GLRA1: variants seen among roughly 807,000 people sequenced by gnomAD.
GLRA1 encodes glycine receptor subunit alpha-1.
GLRA1 carries 37 observed loss-of-function variants against 48.3 expected under a neutral mutation model. The observed-to-expected ratio is 0.77, with a 90% CI of 0.59 to 1.01. The LOEUF is 1.01. Among genes scored for constraint, GLRA1 ranks in the 50% least tolerant of loss-of-function variants. The pLI, the probability that GLRA1 is intolerant of heterozygous loss-of-function variation, is 0.00. For synonymous variants in GLRA1, 196 were observed against 210.7 expected (o/e 0.93, Z 0.60); for missense variants, 427 against 571.0 (o/e 0.75, Z 2.57).
chr5:151,849,226 C>A (rs1007055174), intron 7 of GLRA1, among the ~76,000 whole-genome samples: 2 of 79,418 alleles, frequency 2.5e-5, no homozygotes, highest in East Asian at 6.3e-4. Flanking sequence ...TTCTTCCTTC[C>A]TTCCTTCCTT....
intron 7 of GLRA1, among the ~76,000 whole-genome samples, chr5:151,830,457 G>C (rs1763395303): frequency 6.6e-6 from 1 of 152,196 alleles, no homozygotes; most frequent in Non-Finnish European, 1.5e-5. Flanking sequence ...ACATATTCTT[G>C]GGAAACTGTG....
chr5:151,888,144 AG>A (rs1418572116), intron 2 of GLRA1, among the ~76,000 whole-genome samples: 1 of 152,228 alleles, frequency 6.6e-6, no homozygotes, highest in Non-Finnish European at 1.5e-5. Flanking sequence ...CTTGAACCAA[AG>A]TTTTCTGATT....
At chr5:151,915,509 A>G (rs1754717270) in intron 1 of GLRA1, among the ~76,000 whole-genome samples, 1 of 152,218 alleles carries the variant, frequency 6.6e-6, no homozygotes, top group South Asian at 2.1e-4. Flanking sequence ...GGGGATGGCT[A>G]GAAAACAATG....
At chr5:151,865,309 G>A (rs1324487342) in intron 3 of GLRA1, among the ~76,000 whole-genome samples, 1 of 152,202 alleles carries the variant, frequency 6.6e-6, no homozygotes, top group Non-Finnish European at 1.5e-5. Flanking sequence ...TCTGGACTTG[G>A]GGGTGGTGAT....
intron 7 of GLRA1, among the ~76,000 whole-genome samples, chr5:151,833,118 C>T (rs927976658): frequency 6.6e-6 from 1 of 152,150 alleles, no homozygotes; most frequent in Non-Finnish European, 1.5e-5. Context: ...TAGTCTCCAC[C>T]AGGCCTGTCT....
At chr5:151,824,862 C>T (rs1027748094) in intron 8 of GLRA1, among the ~76,000 whole-genome samples, 5 of 148,724 alleles carry the variant, frequency 3.4e-5, no homozygotes, top group African/African-American at 1.2e-4. Context: ...AACATATGAA[C>T]ATAGTCCCTG....
chr5:151,824,928 C>T (rs896823264), intron 8 of GLRA1, among the ~76,000 whole-genome samples: 4 of 152,170 alleles, frequency 2.6e-5, no homozygotes, highest in African/African-American at 9.7e-5. Flanking sequence ...ACTTGTATAT[C>T]TTCACCAGCT....
At chr5:151,824,992 A>T (rs952664528) in intron 8 of GLRA1, among the ~76,000 whole-genome samples, 3 of 152,186 alleles carry the variant, frequency 2.0e-5, no homozygotes, top group Admixed American at 6.5e-5. Context: ...TATTTTTAGC[A>T]CCAGAAGGGT....
chr5:151,841,410 A>ATAATC (rs78038076), intron 7 of GLRA1, among the ~76,000 whole-genome samples: 67,085 of 151,072 alleles, frequency 0.44, 15,257 homozygotes, highest in African/African-American at 0.55. Context: ...TCCTAAATCA[A>ATAATC]TAACTTTGCA....
chr5:151,861,297 G>A lies in GLRA1; in HGVS notation c.253-1289C>T, dbSNP rs543941188. Among the ~76,000 whole-genome samples, 1,228 of 152,216 alleles carry A rather than the reference G, an allele frequency of 8.1e-3. 48 individuals carry two copies. The highest frequency in any genetic ancestry group is 0.063 in the Admixed American group (967 of 15,282). ...TCTAGTTCTAGATCCTTGAGGAATC[G>A]CCACACTGTCTTCCACAATGGTTGA... On this transcript the variant is annotated intron_variant, in intron 3 of 8. Coordinates refer to ENST00000274576, the MANE Select transcript of GLRA1 (RefSeq NM_000171.4).
chr5:151,856,668 G>C (rs901172090), intron 4 of GLRA1, among the ~76,000 whole-genome samples: 1 of 152,032 alleles, frequency 6.6e-6, no homozygotes, highest in Non-Finnish European at 1.5e-5. Flanking sequence ...ATAGGCATCT[G>C]CCACCATGCC....
At chr5:151,828,862 T>C (rs1337280129) in intron 8 of GLRA1, 59 bp downstream of exon 8, 11 of 1,528,292 alleles carry the variant, frequency 7.2e-6, no homozygotes, top group African/African-American at 2.7e-5. Flanking sequence ...ACAATACTGC[T>C]TAGAACTCTT....
At chr5:151,919,299 A>AG (rs1754816039) in intron 1 of GLRA1, among the ~76,000 whole-genome samples, 2 of 152,222 alleles carry the variant, frequency 1.3e-5, no homozygotes, top group Admixed American at 1.3e-4. Flanking sequence ...AGGCTTTATG[A>AG]GGGAAAAAAG....
chr5:151,924,581 G>A lies in GLRA1; in HGVS notation c.-32C>T. 2 of 1,361,328 alleles carry A rather than the reference G, an allele frequency of 1.5e-6. No individual in the cohort carries two copies. Among genetic ancestry groups the A allele is most frequent in the South Asian group, 2.3e-5 (2 of 86,080 alleles). The allele number at this position is 1,361,328 out of a possible 1,614,324, so 84.3% of individuals were successfully genotyped here. On this transcript the variant is annotated 5_prime_UTR_variant, in exon 1 of 9. Coordinates refer to ENST00000274576, the MANE Select transcript of GLRA1 (RefSeq NM_000171.4). ...GGTCCTTGTGCTTTGTAGTCCACGA[G>A]TTATGGGGGCAAAAATGTTTCAAAT...
intron 1 of GLRA1, among the ~76,000 whole-genome samples, chr5:151,923,365 G>A (rs1754925733): frequency 6.6e-6 from 1 of 152,186 alleles, no homozygotes; most frequent in Non-Finnish European, 1.5e-5. Flanking sequence ...TGTTGGGAGA[G>A]GGTAATATTT....
At chr5:151,883,198 G>C (rs1482114596) in intron 3 of GLRA1, among the ~76,000 whole-genome samples, 1 of 152,156 alleles carries the variant, frequency 6.6e-6, no homozygotes, top group African/African-American at 2.4e-5. Flanking sequence ...TTTCCTGTCG[G>C]AAGATTATTT....
In GLRA1 at chr5:151,855,686, G is replaced by A. The variant is rs1232567304; in HGVS notation, c.560-509C>T. 2.0e-5 allele frequency among the ~76,000 whole-genome samples: 3 copies of A among 152,220 alleles called. No homozygotes were observed. The South Asian group carries it at 6.2e-4, about 32-fold the overall frequency. ...TGGTTTGTGCTGATTCCCCTCACGG[G>A]TAGTGCTCCAAGGAAATGGTCCATT... is the stretch of plus-strand genomic sequence containing the variant. On this transcript the variant is annotated intron_variant, in intron 5 of 8. Coordinates refer to ENST00000274576, the MANE Select transcript of GLRA1 (RefSeq NM_000171.4).
At chr5:151,902,448 C>G (rs1221886085) in intron 1 of GLRA1, among the ~76,000 whole-genome samples, 1 of 152,024 alleles carries the variant, frequency 6.6e-6, no homozygotes, top group African/African-American at 2.4e-5. Context: ...TTGTTTTACC[C>G]TTTTCTCAGT....
rs1004402570 is a variant in GLRA1, at chr5:151,885,895, G to T, written c.252+826C>A. Among the ~76,000 whole-genome samples, 9 of 152,124 alleles carry T rather than the reference G, an allele frequency of 5.9e-5. 1 individual carries two copies. The highest frequency in any genetic ancestry group is 3.9e-4 in the Admixed American group (6 of 15,282). ...GGAAGGGGGCAAGTTGGAAGCCAACGAGAACCCTTTGCAGTCATGTAAGCC... is the reference window on the plus strand; with the variant it reads ...GGAAGGGGGCAAGTTGGAAGCCAACTAGAACCCTTTGCAGTCATGTAAGCC... On this transcript the variant is annotated intron_variant, in intron 3 of 8. Coordinates refer to ENST00000274576, the MANE Select transcript of GLRA1 (RefSeq NM_000171.4).
Sources: allele counts gnomAD v4.1 joint callset (sites outside exome capture counted in the v4.1 genomes callset), GRCh38; gene constraint gnomAD v4.1.1; transcripts MANE v1.5; gene names NCBI Gene and HGNC (gene_info 2026-07-23, HGNC 2026-07-21).